The following BTRC variants were observed in gnomAD, a reference collection of about 807,000 sequenced individuals.
BTRC encodes the protein F-box/WD repeat-containing protein 1A.
In BTRC, 42 loss-of-function variants were observed where a neutral mutation model predicts 85.5. The observed-to-expected ratio is 0.49, with a 90% CI of 0.38 to 0.64. The LOEUF (loss-of-function observed/expected upper bound fraction) is 0.64, where lower values mean the gene tolerates loss of function less well. Ranked by LOEUF, BTRC falls within the 30% of genes least tolerant of loss-of-function variation. BTRC has a pLI of 0.00. For missense variants in BTRC, 594 were observed against 743.5 expected (o/e 0.80, Z 2.34); for synonymous variants, 255 against 263.3 (o/e 0.97, Z 0.30).
intron 6 of BTRC, among the ~76,000 whole-genome samples, chr10:101,526,661 TC>T (rs774436140): frequency 2.0e-5 from 3 of 152,056 alleles, no homozygotes; most frequent in Non-Finnish European, 2.9e-5. Context: ...GCACCTGTAA[TC>T]CCAGCTACTG....
chr10:101,358,817 C>T (rs1317345114), intron 1 of BTRC, among the ~76,000 whole-genome samples: 1 of 151,976 alleles, frequency 6.6e-6, no homozygotes, highest in African/African-American at 2.4e-5. Flanking sequence ...AAGAATGTCA[C>T]TGTGGGTCAA....
intron 4 of BTRC, among the ~76,000 whole-genome samples, chr10:101,491,825 G>C (rs1268222941): frequency 6.6e-6 from 1 of 152,168 alleles, no homozygotes; most frequent in East Asian, 1.9e-4. Context: ...TGAGAATGTA[G>C]CTGGACCTTG....
chr10:101,358,424 A>G (rs867573207), intron 1 of BTRC, among the ~76,000 whole-genome samples: 2 of 152,254 alleles, frequency 1.3e-5, no homozygotes, highest in Middle Eastern at 6.8e-3. Flanking sequence ...TAAAAACAGG[A>G]TAAATATATT....
intron 1 of BTRC, among the ~76,000 whole-genome samples, chr10:101,385,008 A>AGGCCAGGAGTTTGAGACC (rs1240693289): frequency 1.3e-5 from 2 of 152,070 alleles, no homozygotes; most frequent in Admixed American, 1.3e-4. Context: ...GGATTGCTTG[A>AGGCCAGGAGTTTGAGACC]GGCCAGGAGT....
At chr10:101,386,648 C>A (rs1261804615) in intron 1 of BTRC, among the ~76,000 whole-genome samples, 32 of 152,108 alleles carry the variant, frequency 2.1e-4, no homozygotes, top group Non-Finnish European at 1.5e-4. Flanking sequence ...ACATGAAGAA[C>A]CAAGGACTTG....
chr10:101,435,376 C>CA (rs1944501929), intron 2 of BTRC, among the ~76,000 whole-genome samples: 1 of 152,122 alleles, frequency 6.6e-6, no homozygotes, highest in African/African-American at 2.4e-5. Context: ...CCCCCATATG[C>CA]AATTACTGTT....
chr10:101,439,433 G>A (rs1944622878), intron 2 of BTRC, among the ~76,000 whole-genome samples: 1 of 152,124 alleles, frequency 6.6e-6, no homozygotes, highest in Admixed American at 6.5e-5. Context: ...TGTTCCCTTT[G>A]GCATTACAAT....
At chr10:101,449,285 C>T (rs535578929) in intron 2 of BTRC, among the ~76,000 whole-genome samples, 1 of 150,712 alleles carries the variant, frequency 6.6e-6, no homozygotes, top group African/African-American at 2.4e-5. Context: ...CAAAAAGAAA[C>T]AAAAAACCAG....
intron 4 of BTRC, 26 bp from the exon 5 acceptor site, chr10:101,521,611 TTA>T (rs2062106941): frequency 6.7e-7 from 1 of 1,502,460 alleles, no homozygotes; most frequent in Admixed American, 1.8e-5. Context: ...ACTAATCATT[TTA>T]TGTTTCTTTT....
chr10:101,378,287 G>C lies in BTRC; in HGVS notation c.48+24059G>C, dbSNP rs1380961345. On this transcript the variant is annotated intron_variant, in intron 1 of 14. Transcript: ENST00000370187. ...TTTTTTTTGAGTTGGTTATTAGCTTGAGGTTAAATTTGTTTAATGAGTAAA... is the reference window on the plus strand; with the variant it reads ...TTTTTTTTGAGTTGGTTATTAGCTTCAGGTTAAATTTGTTTAATGAGTAAA... Among the ~76,000 whole-genome samples the C allele has an allele frequency of 4.6e-5, 7 of 152,200 alleles. No individual in the cohort carries two copies. The South Asian group carries it at 8.3e-4, about 18-fold the overall frequency.
At chr10:101,435,256 C>G (rs905821905) in intron 2 of BTRC, among the ~76,000 whole-genome samples, 2 of 151,960 alleles carry the variant, frequency 1.3e-5, no homozygotes, top group African/African-American at 2.4e-5. Context: ...CATAAGTGTA[C>G]TCTTAGGTGA....
At chr10:101,401,837 C>CAAA (rs766212284) in intron 1 of BTRC, among the ~76,000 whole-genome samples, 1 of 52,164 alleles carries the variant, frequency 1.9e-5, no homozygotes, top group Non-Finnish European at 4.0e-5. Context: ...GACCTCATCT[C>CAAA]AAAAAAAAAA....
chr10:101,424,540 G>T (rs10159775), intron 1 of BTRC, among the ~76,000 whole-genome samples: 1 of 151,992 alleles, frequency 6.6e-6, no homozygotes, highest in Non-Finnish European at 1.5e-5. Flanking sequence ...TATAGCTTCT[G>T]TTACTCCTAG....
At chr10:101,520,626 G>A (rs2062089996) in intron 4 of BTRC, among the ~76,000 whole-genome samples, 1 of 152,138 alleles carries the variant, frequency 6.6e-6, no homozygotes, top group African/African-American at 2.4e-5. Context: ...ATATTCATTG[G>A]TTTCTTTTCA....
chr10:101,432,221 G>A (rs1186906957), intron 2 of BTRC, among the ~76,000 whole-genome samples: 1 of 151,238 alleles, frequency 6.6e-6, no homozygotes, highest in East Asian at 1.9e-4. Context: ...TCTGCCTACT[G>A]GGCTCTAGTT....
At chr10:101,467,644 C>T (rs896750361) in intron 3 of BTRC, among the ~76,000 whole-genome samples, 6 of 151,406 alleles carry the variant, frequency 4.0e-5, no homozygotes, top group Non-Finnish European at 8.8e-5. Flanking sequence ...TTTTTTTACT[C>T]TATAAAACTT....
At chr10:101,403,237 C>G (rs1421288856) in intron 1 of BTRC, among the ~76,000 whole-genome samples, 1 of 152,136 alleles carries the variant, frequency 6.6e-6, no homozygotes, top group African/African-American at 2.4e-5. Context: ...GCTTCATTCC[C>G]CCTTTAAGCA....
At chr10:101,509,347 C>T (rs569811964) in intron 4 of BTRC, among the ~76,000 whole-genome samples, 3,502 of 142,128 alleles carry the variant, frequency 0.025, 47 homozygotes, top group Non-Finnish European at 0.035. Context: ...CTCCGCCTCC[C>T]GGGTTCACGC....
At position 101,553,838 on chromosome 10, in the gene BTRC, T is replaced by C. The variant is rs1003875775; in HGVS notation, c.*715T>C. On this transcript the variant is annotated 3_prime_UTR_variant, in exon 15 of 15. Coordinates refer to ENST00000370187, the MANE Select transcript of BTRC (RefSeq NM_033637.4). Reference sequence around the variant, plus strand: ...CTGTCTGCTTCACCTGAGAAGAAAGTGTACGAAGAGAGTGTCCTCCTCTCA... The same window carrying C: ...CTGTCTGCTTCACCTGAGAAGAAAGCGTACGAAGAGAGTGTCCTCCTCTCA... The C allele has an allele frequency of 2.0e-5, 3 of 152,618 alleles. No individual in the cohort carries two copies. Among genetic ancestry groups the C allele is most frequent in the Non-Finnish European group, 4.4e-5 (3 of 68,090 alleles). 9.5% of individuals were successfully genotyped at this position (152,618 alleles called of 1,614,324 possible). A position where few individuals can be genotyped will look rare whatever the true frequency, so the allele number is the denominator to read the frequency against.
Sources: allele counts gnomAD v4.1 joint callset (sites outside exome capture counted in the v4.1 genomes callset), GRCh38; gene constraint gnomAD v4.1.1; transcripts MANE v1.5; gene names NCBI Gene and HGNC (gene_info 2026-07-23, HGNC 2026-07-21).